The following STK32A variants were observed in gnomAD, a reference collection of about 807,000 sequenced individuals.
STK32A encodes serine/threonine kinase 32A, also known as serine/threonine-protein kinase 32A.
A neutral mutation model predicts 53.2 loss-of-function variants in STK32A; 41 were observed. The observed-to-expected ratio is 0.77, with a 90% CI of 0.60 to 1.00. STK32A has a LOEUF of 1.00. Among genes scored for constraint, STK32A ranks in the 50% least tolerant of loss-of-function variants. The pLI is 0.00. For missense variants in STK32A, 458 were observed against 485.8 expected (o/e 0.94, Z 0.54); for synonymous variants, 166 against 162.8 (o/e 1.02, Z -0.15).
chr5:147,278,865 A>T (rs991042999), intron 3 of STK32A, among the ~76,000 whole-genome samples: 2 of 152,180 alleles, frequency 1.3e-5, no homozygotes, highest in Non-Finnish European at 2.9e-5. Flanking sequence ...TGTAAACAGA[A>T]ATTCTTTGCA....
In STK32A at chr5:147,318,609, TA is replaced by T. The variant is rs879478287; in HGVS notation, c.261-5275del. Among the ~76,000 whole-genome samples, 964 of 134,314 alleles carry T rather than the reference TA, an allele frequency of 7.2e-3. 3 individuals are homozygous for T. Among genetic ancestry groups the T allele is most frequent in the African/African-American group, 0.013 (486 of 36,664 alleles). The allele number at this position is 134,314 out of a possible 152,430, so 88.1% of individuals were successfully genotyped here. ...GTGAGCCCTCACCTCTACTAAAAAT[TA>T]AAAAAAAAAAAAAGAAAAAGTTTGG... On this transcript the variant is annotated intron_variant, in intron 4 of 12. Transcript: ENST00000397936.
intron 10 of STK32A, among the ~76,000 whole-genome samples, chr5:147,373,968 A>G (rs1757117422): frequency 6.6e-6 from 1 of 152,138 alleles, no homozygotes; most frequent in Non-Finnish European, 1.5e-5. Flanking sequence ...GGGCAGAATA[A>G]GAGGCTTCTA....
intron 5 of STK32A, among the ~76,000 whole-genome samples, chr5:147,328,535 T>C (rs1286121726): frequency 6.6e-6 from 1 of 152,210 alleles, no homozygotes; most frequent in Non-Finnish European, 1.5e-5. Context: ...AACTTTCTTA[T>C]TAGTCAAGAA....
chr5:147,269,321 G>A (rs550331703), intron 2 of STK32A, among the ~76,000 whole-genome samples: 6 of 152,270 alleles, frequency 3.9e-5, no homozygotes, highest in African/African-American at 1.4e-4. Flanking sequence ...TAGCACAATG[G>A]CTGTTACTTA....
chr5:147,266,698 T>A (rs1174152458), intron 2 of STK32A, among the ~76,000 whole-genome samples: 1 of 152,122 alleles, frequency 6.6e-6, no homozygotes, highest in Admixed American at 6.6e-5. Flanking sequence ...CTGTGTGAAG[T>A]CCTAACATTA....
the STK32A span, chr5:147,400,601 A>G: frequency 2.0e-6 from 3 of 1,507,540 alleles, no homozygotes; most frequent in Non-Finnish European, 2.7e-6. Context: ...CTGCACTCGC[A>G]GTGTCACCAG....
At chr5:147,296,439 T>A (rs1752870242) in intron 4 of STK32A, among the ~76,000 whole-genome samples, 1 of 152,010 alleles carries the variant, frequency 6.6e-6, no homozygotes, top group South Asian at 2.1e-4. Flanking sequence ...ACTGTCCGCA[T>A]GTGCAGCAGC....
At chr5:147,391,740 A>T (rs1213695036), downstream of STK32A, 1 of 152,114 alleles carries the variant, frequency 6.6e-6, no homozygotes, top group Non-Finnish European at 1.5e-5. Flanking sequence ...CTATGCTTGG[A>T]GAGTTAGTAA....
chr5:147,264,708 A>G (rs1754730036), intron 2 of STK32A, among the ~76,000 whole-genome samples: 2 of 152,174 alleles, frequency 1.3e-5, no homozygotes, highest in African/African-American at 4.8e-5. Flanking sequence ...ACCACCTTGA[A>G]TATTCAATAA....
chr5:147,359,290 T>C (rs1362504004), intron 7 of STK32A, among the ~76,000 whole-genome samples: 1 of 152,198 alleles, frequency 6.6e-6, no homozygotes, highest in Non-Finnish European at 1.5e-5. Context: ...TCATAAGGTT[T>C]CTTCTTAATG....
At chr5:147,366,063 A>C (rs1756729361) in intron 8 of STK32A, among the ~76,000 whole-genome samples, 1 of 151,968 alleles carries the variant, frequency 6.6e-6, no homozygotes, top group Non-Finnish European at 1.5e-5. Context: ...ATACACATAC[A>C]CACCCTTCAC....
intron 4 of STK32A, among the ~76,000 whole-genome samples, chr5:147,279,730 CTG>C (rs1159801448): frequency 6.6e-6 from 1 of 152,168 alleles, no homozygotes; most frequent in Non-Finnish European, 1.5e-5. Context: ...TTTCTTGGAA[CTG>C]TGGTGCCAGC....
At chr5:147,275,300 G>C (rs1435842042) in intron 2 of STK32A, among the ~76,000 whole-genome samples, 1 of 151,352 alleles carries the variant, frequency 6.6e-6, no homozygotes, top group African/African-American at 2.4e-5. Context: ...AAAAGGGACT[G>C]TCAGGATTGA....
intron 4 of STK32A, among the ~76,000 whole-genome samples, chr5:147,309,850 C>G (rs1753603024): frequency 1.3e-5 from 2 of 152,128 alleles, no homozygotes; most frequent in South Asian, 4.1e-4. Flanking sequence ...GATGACAAAG[C>G]TGGATTCTAA....
chr5:147,353,089 A>C (rs1756059299), intron 7 of STK32A, among the ~76,000 whole-genome samples: 1 of 152,164 alleles, frequency 6.6e-6, no homozygotes, highest in Non-Finnish European at 1.5e-5. Context: ...CAGACCCCTA[A>C]AGAGAGATTA....
At chr5:147,256,883 G>A (rs764430593) in intron 2 of STK32A, among the ~76,000 whole-genome samples, 4 of 152,110 alleles carry the variant, frequency 2.6e-5, no homozygotes, top group East Asian at 3.9e-4. Flanking sequence ...CAACTGTTCC[G>A]TTGTGAGAGG....
intron 2 of STK32A, among the ~76,000 whole-genome samples, chr5:147,266,325 T>G (rs557214157): frequency 1.1e-4 from 17 of 152,176 alleles, no homozygotes; most frequent in Non-Finnish European, 2.2e-4. Flanking sequence ...ATCCAATATC[T>G]GCAGAGAAAT....
chr5:147,256,927 G>A (rs1036991769), intron 2 of STK32A, among the ~76,000 whole-genome samples: 4 of 152,158 alleles, frequency 2.6e-5, no homozygotes, highest in Non-Finnish European at 5.9e-5. Flanking sequence ...GGTGCAGGCG[G>A]TGGGGATCAA....
intron 10 of STK32A, among the ~76,000 whole-genome samples, chr5:147,373,519 G>A (rs61466660): frequency 0.047 from 7,170 of 152,178 alleles, 596 homozygotes; most frequent in African/African-American, 0.16. Context: ...GTGTATTTGC[G>A]ACTGAAGTTC....
Sources: allele counts gnomAD v4.1 joint callset (sites outside exome capture counted in the v4.1 genomes callset), GRCh38; gene constraint gnomAD v4.1.1; transcripts MANE v1.5; gene names NCBI Gene and HGNC (gene_info 2026-07-23, HGNC 2026-07-21).